DOCK3: variants seen among roughly 807,000 people sequenced by gnomAD.
DOCK3 encodes the protein dedicator of cytokinesis protein 3.
A neutral mutation model predicts 265.6 loss-of-function variants in DOCK3; 60 were observed. The observed-to-expected ratio is 0.23, with a 90% CI of 0.18 to 0.28. DOCK3 has a LOEUF of 0.28. DOCK3 is among the 10% of genes least tolerant of loss of function. DOCK3 has a pLI of 1.00. For synonymous variants in DOCK3, 881 were observed against 938.0 expected (o/e 0.94, Z 1.11); for missense variants, 1,981 against 2,594.3 (o/e 0.76, Z 5.14).
chr3:50,826,828 A>G (rs1559691580), intron 2 of DOCK3, among the ~76,000 whole-genome samples: 1 of 152,204 alleles, frequency 6.6e-6, no homozygotes, highest in African/African-American at 2.4e-5. Context: ...GCTAGAAAAT[A>G]AAGTAAAAAG....
intron 21 of DOCK3, among the ~76,000 whole-genome samples, chr3:51,242,247 G>A (rs1167052177): frequency 6.6e-6 from 1 of 152,100 alleles, no homozygotes; most frequent in African/African-American, 2.4e-5. Context: ...GACTGGTATT[G>A]GGCCCCAGCT....
chr3:50,782,289 A>ATTTTATT (rs2041953861), intron 2 of DOCK3, among the ~76,000 whole-genome samples: 3 of 110,046 alleles, frequency 2.7e-5, no homozygotes, highest in Non-Finnish European at 5.1e-5. Context: ...AGTACCTGTT[A>ATTTTATT]TTTTTTTTTT....
intron 9 of DOCK3, among the ~76,000 whole-genome samples, chr3:51,118,252 A>G (rs1207582895): frequency 6.6e-6 from 1 of 152,086 alleles, no homozygotes; most frequent in Non-Finnish European, 1.5e-5. Context: ...TTCAATTTCC[A>G]TGTAGTTGTG....
intron 3 of DOCK3, among the ~76,000 whole-genome samples, chr3:50,880,423 A>C (rs1194756457): frequency 6.6e-6 from 1 of 152,218 alleles, no homozygotes; most frequent in Non-Finnish European, 1.5e-5. Flanking sequence ...AAATAGATGC[A>C]ATACAAAATG....
intron 1 of DOCK3, among the ~76,000 whole-genome samples, chr3:50,676,915 C>T (rs186505459): frequency 3.7e-4 from 56 of 152,268 alleles, no homozygotes; most frequent in Non-Finnish European, 1.6e-4. Flanking sequence ...TTAATAGTTT[C>T]TTCTTTTCCC....
chr3:50,796,513 T>C (rs946665679), intron 2 of DOCK3, among the ~76,000 whole-genome samples: 1 of 152,050 alleles, frequency 6.6e-6, no homozygotes, highest in Non-Finnish European at 1.5e-5. Context: ...TAATTTTGTA[T>C]TTTTAGTAGA....
intron 12 of DOCK3, among the ~76,000 whole-genome samples, chr3:51,185,151 T>C (rs920829912): frequency 2.0e-5 from 3 of 152,150 alleles, no homozygotes. Context: ...AGAAAAAAGA[T>C]ACTAGGTTAA....
intron 6 of DOCK3, among the ~76,000 whole-genome samples, chr3:51,074,215 C>T (rs942305627): frequency 2.6e-5 from 4 of 152,150 alleles, no homozygotes; most frequent in Admixed American, 2.6e-4. Flanking sequence ...GTTACAGACC[C>T]TCTCCTCAGA....
intron 2 of DOCK3, among the ~76,000 whole-genome samples, chr3:50,824,179 A>G (rs1182331031): frequency 1.3e-5 from 2 of 152,180 alleles, no homozygotes; most frequent in Non-Finnish European, 2.9e-5. Flanking sequence ...AGGCTACTTT[A>G]ATAAGTGAAT....
At chr3:50,700,907 A>G (rs957688809) in intron 1 of DOCK3, among the ~76,000 whole-genome samples, 1 of 152,280 alleles carries the variant, frequency 6.6e-6, no homozygotes, top group East Asian at 1.9e-4. Context: ...TTAGATTCCT[A>G]CCAACTGTGT....
At chr3:50,866,809 A>G (rs1277780868) in intron 3 of DOCK3, among the ~76,000 whole-genome samples, 1 of 152,158 alleles carries the variant, frequency 6.6e-6, no homozygotes, top group African/African-American at 2.4e-5. Flanking sequence ...TTATGCCAAT[A>G]CCATGCTCTT....
chr3:51,355,474 C>A (rs952362346), intron 41 of DOCK3, among the ~76,000 whole-genome samples: 2 of 152,152 alleles, frequency 1.3e-5, no homozygotes, highest in African/African-American at 4.8e-5. Flanking sequence ...TGGGGCAGGG[C>A]CCAAGGATGT....
chr3:51,375,270 C>G (rs990879013), intron 50 of DOCK3, among the ~76,000 whole-genome samples: 2 of 152,238 alleles, frequency 1.3e-5, no homozygotes, highest in Non-Finnish European at 2.9e-5. Context: ...GGGATGAGAT[C>G]TGCTTGGCAG....
At chr3:50,924,865 G>A (rs1371711132) in intron 4 of DOCK3, among the ~76,000 whole-genome samples, 3 of 152,278 alleles carry the variant, frequency 2.0e-5, no homozygotes, top group East Asian at 3.9e-4. Context: ...ACAATTATGC[G>A]GGTGGTGTAT....
At chr3:51,013,022 A>T (rs890712054) in intron 5 of DOCK3, among the ~76,000 whole-genome samples, 3 of 151,950 alleles carry the variant, frequency 2.0e-5, no homozygotes, top group African/African-American at 7.3e-5. Context: ...TCTTCTCCAC[A>T]CTGTTTATTC....
chr3:50,759,662 C>A (rs2040407002), intron 1 of DOCK3, among the ~76,000 whole-genome samples: 1 of 132,508 alleles, frequency 7.5e-6, no homozygotes, highest in Non-Finnish European at 1.6e-5. Context: ...ACAAGTAAGA[C>A]CCCGTCTCTA....
At chr3:51,247,231 G>C (rs570190873) in intron 22 of DOCK3, among the ~76,000 whole-genome samples, 2 of 152,310 alleles carry the variant, frequency 1.3e-5, no homozygotes, top group East Asian at 3.9e-4. Context: ...GAGCTGAGTG[G>C]ATGCACTGTA....
intron 5 of DOCK3, among the ~76,000 whole-genome samples, chr3:50,955,740 T>G (rs1259107909): frequency 3.3e-5 from 5 of 152,078 alleles, no homozygotes; most frequent in African/African-American, 1.2e-4. Context: ...GGCACTAGGC[T>G]TAGAACCCGG....
At chr3:51,304,304 C>G (rs1447079987) in intron 27 of DOCK3, among the ~76,000 whole-genome samples, 1 of 151,986 alleles carries the variant, frequency 6.6e-6, no homozygotes, top group Admixed American at 6.6e-5. Flanking sequence ...TGCCCCTCTC[C>G]CAGTGAGCTA....
Sources: allele counts gnomAD v4.1 joint callset (sites outside exome capture counted in the v4.1 genomes callset), GRCh38; gene constraint gnomAD v4.1.1; transcripts MANE v1.5; gene names NCBI Gene and HGNC (gene_info 2026-07-23, HGNC 2026-07-21).